GRIP1: variants seen among roughly 807,000 people sequenced by gnomAD.
The protein encoded by GRIP1 is glutamate receptor-interacting protein 1.
A neutral mutation model predicts 129.9 loss-of-function variants in GRIP1; 45 were observed. That is an observed-to-expected ratio of 0.35 (90% CI 0.27 to 0.44). GRIP1 has a LOEUF of 0.44. Ranked by LOEUF, GRIP1 falls within the 20% of genes least tolerant of loss-of-function variation. GRIP1 has a pLI of 1.00. For synonymous variants in GRIP1, 530 were observed against 520.8 expected (o/e 1.02, Z -0.24); for missense variants, 1,196 against 1,396.8 (o/e 0.86, Z 2.29).
intron 1 of GRIP1, among the ~76,000 whole-genome samples, chr12:66,796,734 T>C (rs1046717785): frequency 1.3e-5 from 2 of 152,146 alleles, no homozygotes; most frequent in African/African-American, 4.8e-5. Context: ...AATTGCTGAA[T>C]GAATAAAAAT....
At chr12:66,972,853 G>A (rs1363272945) in intron 1 of GRIP1, among the ~76,000 whole-genome samples, 1 of 152,172 alleles carries the variant, frequency 6.6e-6, no homozygotes, top group Non-Finnish European at 1.5e-5. Flanking sequence ...CAAATCTGTT[G>A]TGTATTTGCA....
chr12:66,386,316 TG>T (rs1440249992), intron 19 of GRIP1, among the ~76,000 whole-genome samples: 2 of 152,166 alleles, frequency 1.3e-5, no homozygotes, highest in Admixed American at 1.3e-4. Flanking sequence ...CTAATCAGTG[TG>T]GGTTCATATT....
At chr12:66,786,024 A>G (rs2038332130) in intron 1 of GRIP1, among the ~76,000 whole-genome samples, 1 of 152,334 alleles carries the variant, frequency 6.6e-6, no homozygotes, top group Admixed American at 6.5e-5. Context: ...TGGAGGCTAC[A>G]GTGAGATATG....
At chr12:66,559,992 C>T (rs1389677079) in intron 2 of GRIP1, among the ~76,000 whole-genome samples, 1 of 151,928 alleles carries the variant, frequency 6.6e-6, no homozygotes, top group African/African-American at 2.4e-5. Context: ...TGGAACAGAA[C>T]AGAGAACCCA....
chr12:66,923,950 T>G (rs542014953), intron 1 of GRIP1, among the ~76,000 whole-genome samples: 15 of 152,292 alleles, frequency 9.8e-5, no homozygotes, highest in Non-Finnish European at 1.6e-4. Context: ...GTTCAAGTGA[T>G]TCTCCTGCCT....
At chr12:66,391,327 C>A (rs1206142373) in intron 19 of GRIP1, among the ~76,000 whole-genome samples, 1 of 152,122 alleles carries the variant, frequency 6.6e-6, no homozygotes, top group Non-Finnish European at 1.5e-5. Context: ...GGAGAAATAC[C>A]AAGAAGTTTT....
chr12:66,637,959 T>G (rs2031560575), intron 1 of GRIP1, among the ~76,000 whole-genome samples: 1 of 152,172 alleles, frequency 6.6e-6, no homozygotes, highest in African/African-American at 2.4e-5. Context: ...GCTACAAAAA[T>G]CCATGCTGGC....
intron 1 of GRIP1, among the ~76,000 whole-genome samples, chr12:66,961,621 A>C (rs1015711433): frequency 6.6e-6 from 1 of 151,752 alleles, no homozygotes; most frequent in Admixed American, 6.6e-5. Flanking sequence ...TTTTTGTTTT[A>C]ATCAGCTGCC....
At chr12:66,434,648 A>G (rs1279266335) in intron 13 of GRIP1, among the ~76,000 whole-genome samples, 1 of 152,160 alleles carries the variant, frequency 6.6e-6, no homozygotes, top group African/African-American at 2.4e-5. Context: ...TTCCTTACAA[A>G]ATATTTTCCA....
Position 66,444,653 on chromosome 12 carries a change from C to A in GRIP1, c.1618G>T (p.Ala540Ser), listed in dbSNP as rs764263117. Residue 540 changes from alanine to serine, a missense_variant, in exon 13 of 25, where the codon GCC becomes TCC. Ala to Ser is a moderately conservative substitution (Grantham distance 99). Coordinates refer to ENST00000359742, the MANE Select transcript of GRIP1 (RefSeq NM_001366722.1). Reference sequence around the variant, plus strand: ...GAAGAGTCTCGGAGGAGCTGACTGGCTTCTTCGAAGGTGCTGTCTTCTGTT... The same window carrying A: ...GAAGAGTCTCGGAGGAGCTGACTGGATTCTTCGAAGGTGCTGTCTTCTGTT... ...IPTEDSTFEE[A>S]SQLLRDSSIT... The A allele has an allele frequency of 1.2e-6, 2 of 1,614,104 alleles. No homozygotes were observed. Among genetic ancestry groups the A allele is most frequent in the Non-Finnish European group, 1.7e-6 (2 of 1,179,984 alleles).
chr12:66,460,063 AC>A (rs1239055194), intron 9 of GRIP1, among the ~76,000 whole-genome samples: 1 of 152,032 alleles, frequency 6.6e-6, no homozygotes, highest in African/African-American at 2.4e-5. Flanking sequence ...TATTATTATG[AC>A]CCCCATTTTA....
intron 22 of GRIP1, among the ~76,000 whole-genome samples, chr12:66,375,124 C>T (rs1484045007): frequency 1.3e-5 from 2 of 151,986 alleles, no homozygotes; most frequent in African/African-American, 4.8e-5. Context: ...GGCAAAAATA[C>T]TAATAGTTAA....
intron 13 of GRIP1, among the ~76,000 whole-genome samples, chr12:66,433,095 A>C (rs2058198384): frequency 6.6e-6 from 1 of 150,436 alleles, no homozygotes; most frequent in Non-Finnish European, 1.5e-5. Flanking sequence ...CCCCACCTCC[A>C]CTCCTATTTA....
chr12:66,636,715 C>CTCTG (rs779418554), intron 1 of GRIP1, among the ~76,000 whole-genome samples: 89 of 145,208 alleles, frequency 6.1e-4, no homozygotes, highest in African/African-American at 1.7e-3. Context: ...CATTAGATCT[C>CTCTG]TGTGTGTGTG....
chr12:66,925,236 A>G (rs1420910120), intron 1 of GRIP1, among the ~76,000 whole-genome samples: 3 of 152,192 alleles, frequency 2.0e-5, no homozygotes, highest in Non-Finnish European at 2.9e-5. Flanking sequence ...AGATCTATAC[A>G]TACACACTCA....
At chr12:66,569,013 C>T (rs933927264) in intron 2 of GRIP1, 1 of 462,560 alleles carries the variant, frequency 2.2e-6, no homozygotes, top group African/African-American at 2.0e-5. Context: ...CTGCGTGCTT[C>T]TCAGCATTAT....
chr12:66,362,297 G>A (rs1451083914), intron 23 of GRIP1, among the ~76,000 whole-genome samples: 1 of 151,736 alleles, frequency 6.6e-6, no homozygotes, highest in East Asian at 1.9e-4. Flanking sequence ...GGGATTACGG[G>A]CCTGCACCAC....
At chr12:66,881,043 T>C (rs927072040) in intron 1 of GRIP1, among the ~76,000 whole-genome samples, 12 of 151,830 alleles carry the variant, frequency 7.9e-5, no homozygotes, top group Admixed American at 6.6e-4. Context: ...AGGTAAGTAA[T>C]AAAAGGAGGA....
At chr12:66,935,714 A>G (rs1473873267) in intron 1 of GRIP1, among the ~76,000 whole-genome samples, 1 of 152,202 alleles carries the variant, frequency 6.6e-6, no homozygotes, top group African/African-American at 2.4e-5. Flanking sequence ...ATTTATAGAC[A>G]AAAAAGGTAA....
Sources: gnomAD v4.1 joint callset for allele counts (sites outside exome capture counted in the v4.1 genomes callset) on GRCh38, gnomAD v4.1.1 for gene constraint, MANE v1.5 for transcripts, NCBI Gene and HGNC (gene_info 2026-07-23, HGNC 2026-07-21) for gene names.